The following IQSEC1 variants were observed in gnomAD, a reference collection of about 807,000 sequenced individuals.
The protein encoded by IQSEC1 is IQ motif and Sec7 domain ArfGEF 1, also known as IQ motif and SEC7 domain-containing protein 1.
Under a neutral mutation model 91.0 loss-of-function variants are expected in IQSEC1, and 31 were observed. The observed-to-expected ratio is 0.34, with a 90% CI of 0.26 to 0.46. The LOEUF (loss-of-function observed/expected upper bound fraction) is 0.46, where lower values mean the gene tolerates loss of function less well. Ranked by LOEUF, IQSEC1 falls within the 20% of genes least tolerant of loss-of-function variation. The pLI, the probability that IQSEC1 is intolerant of heterozygous loss-of-function variation, is 1.00. For missense variants in IQSEC1, 1,388 were observed against 1,575.6 expected (o/e 0.88, Z 2.02); for synonymous variants, 699 against 662.6 (o/e 1.05, Z -0.84).
intron 1 of IQSEC1, among the ~76,000 whole-genome samples, chr3:13,001,490 C>T (rs548941620): frequency 1.3e-4 from 20 of 152,266 alleles, no homozygotes; most frequent in South Asian, 4.1e-4. Context: ...CAGTGGTAAA[C>T]GCTGCTACAC....
At chr3:13,148,650 G>C (rs1260962483) in intron 2 of IQSEC1, among the ~76,000 whole-genome samples, 1 of 152,220 alleles carries the variant, frequency 6.6e-6, no homozygotes, top group African/African-American at 2.4e-5. Flanking sequence ...TCCTCTGGTT[G>C]GAGTTCCTGG....
At chr3:12,926,840 T>C (rs569074741) in intron 3 of IQSEC1, among the ~76,000 whole-genome samples, 2 of 152,282 alleles carry the variant, frequency 1.3e-5, no homozygotes, top group African/African-American at 2.4e-5. Context: ...GCTATTTTTA[T>C]CCCAGGATGG....
At chr3:13,208,881 G>C (rs530268344) in intron 1 of IQSEC1, among the ~76,000 whole-genome samples, 1 of 152,196 alleles carries the variant, frequency 6.6e-6, no homozygotes, top group African/African-American at 2.4e-5. Context: ...GGGTTGCCCC[G>C]GGATGGGGAG....
At chr3:13,009,026 C>A (rs1473637843) in intron 1 of IQSEC1, among the ~76,000 whole-genome samples, 3 of 152,212 alleles carry the variant, frequency 2.0e-5, no homozygotes, top group Non-Finnish European at 4.4e-5. Context: ...TTTCTGAGAT[C>A]GACAGCCCTT....
chr3:12,903,358 C>T (rs940882306), intron 12 of IQSEC1, among the ~76,000 whole-genome samples: 6 of 151,854 alleles, frequency 4.0e-5, no homozygotes, highest in Admixed American at 6.5e-5. Context: ...AACAACTTCA[C>T]ATCCCCGCTT....
intron 1 of IQSEC1, among the ~76,000 whole-genome samples, chr3:13,062,466 C>A (rs919324794): frequency 3.9e-5 from 6 of 152,222 alleles, no homozygotes; most frequent in African/African-American, 1.4e-4. Flanking sequence ...CTGGGCAGCA[C>A]ATAAGGAGTT....
chr3:13,182,275 A>G (rs1355729510), intron 1 of IQSEC1, among the ~76,000 whole-genome samples: 2 of 152,176 alleles, frequency 1.3e-5, no homozygotes, highest in African/African-American at 2.4e-5. Context: ...TGATGCTCCC[A>G]TCTGTGAGCA....
intron 1 of IQSEC1, among the ~76,000 whole-genome samples, chr3:13,177,376 A>C (rs1267054861): frequency 4.6e-5 from 7 of 152,214 alleles, no homozygotes; most frequent in Admixed American, 3.9e-4. Flanking sequence ...AGAGAAAAGC[A>C]ATGGCTTCCC....
chr3:13,088,687 C>T (rs1415855796), intron 2 of IQSEC1, among the ~76,000 whole-genome samples: 1 of 152,234 alleles, frequency 6.6e-6, no homozygotes, highest in Non-Finnish European at 1.5e-5. Flanking sequence ...CCATGATCCA[C>T]AGGCCCTGCT....
At chr3:13,274,196 G>T (rs749686755) in intron 1 of IQSEC1, among the ~76,000 whole-genome samples, 1 of 152,146 alleles carries the variant, frequency 6.6e-6, no homozygotes, top group Non-Finnish European at 1.5e-5. Flanking sequence ...AAACATGCCT[G>T]CCCCCGGAAG....
chr3:13,059,450 C>T (rs1240136081), intron 1 of IQSEC1, among the ~76,000 whole-genome samples: 7 of 152,198 alleles, frequency 4.6e-5, no homozygotes, highest in Admixed American at 1.3e-4. Context: ...AGGCCTGGCA[C>T]GGGGTGCCCT....
intron 2 of IQSEC1, among the ~76,000 whole-genome samples, chr3:13,150,637 GT>G (rs1054178488): frequency 2.6e-5 from 4 of 152,186 alleles, no homozygotes; most frequent in African/African-American, 9.6e-5. Flanking sequence ...GGCTCCTGAT[GT>G]TTTTAGTGGG....
At position 12,940,751 on chromosome 3, in the gene IQSEC1, C is replaced by T. The variant is rs1438173954; in HGVS notation, c.318+820G>A. On this transcript the variant is annotated intron_variant, in intron 2 of 13. Transcript: ENST00000613206. The surrounding 1 kb of genome is among the most constrained non-coding windows in gnomAD (Gnocchi z 4.4). ...GCTTGTCCATGCACTGGCCCACTCA[C>T]CCCCTCACTCATCCATCTGTGCAGT... is the stretch of plus-strand genomic sequence containing the variant. Among the ~76,000 whole-genome samples, 4 of 152,212 alleles carry T rather than the reference C, an allele frequency of 2.6e-5. No individual in the cohort carries two copies. The highest frequency in any genetic ancestry group is 9.6e-5 in the African/African-American group (4 of 41,464).
Position 13,113,094 on chromosome 3 carries a change from G to A in IQSEC1, c.302+51010C>T, listed in dbSNP as rs954339447. Among the ~76,000 whole-genome samples the A allele has an allele frequency of 2.0e-5, 3 of 152,242 alleles. No individual in the cohort carries two copies. In the East Asian group the frequency reaches 5.8e-4, roughly 29 times the overall value. ...CTGCTGCATGCCTGGTGTGGCAGGT[G>A]TGGGCTGCCACTAGCTGCCTTACAG... On this transcript the variant is annotated intron_variant, in intron 2 of 15. Coordinates refer to the IQSEC1 transcript ENST00000648114.
intron 1 of IQSEC1, among the ~76,000 whole-genome samples, chr3:13,256,209 C>T (rs1341214313): frequency 6.6e-6 from 1 of 152,166 alleles, no homozygotes; most frequent in Non-Finnish European, 1.5e-5. Flanking sequence ...ATAGTGGTGA[C>T]GGTGACAGCT....
At chr3:13,221,066 A>G (rs774003885) in intron 1 of IQSEC1, among the ~76,000 whole-genome samples, 62 of 152,346 alleles carry the variant, frequency 4.1e-4, no homozygotes, top group Non-Finnish European at 7.1e-4. Flanking sequence ...TGAGCAGGGG[A>G]GGCCAGGGCT....
At chr3:13,133,861 T>C (rs535396078) in intron 2 of IQSEC1, among the ~76,000 whole-genome samples, 7 of 152,196 alleles carry the variant, frequency 4.6e-5, no homozygotes, top group South Asian at 4.2e-4. Context: ...GAGACCTCCA[T>C]AGGACAAGGA....
intron 2 of IQSEC1, among the ~76,000 whole-genome samples, chr3:13,153,563 T>A (rs1472638940): frequency 6.6e-6 from 1 of 152,158 alleles, no homozygotes; most frequent in Non-Finnish European, 1.5e-5. Context: ...TCCTATGTGT[T>A]CCTGCCACTC....
Position 12,936,221 on chromosome 3 carries a change from G to T in IQSEC1, c.795C>A (p.Thr265=). 1 of 1,613,072 alleles carries T rather than the reference G, an allele frequency of 6.2e-7. No homozygotes were observed. ...TGCCGTGCAGGGCTGTCTGGGGTTC[G>T]GTGTCCCGGGCCCGCGCCGCATCCA... ...PALDAARARD[T]EPQTALHGMD... is the part of the protein sequence containing the mutation. The change falls in exon 3 of 14, where the codon ACC becomes ACA. Residue 265 remains threonine, a synonymous_variant. Coordinates refer to ENST00000613206, the MANE Select transcript of IQSEC1 (RefSeq NM_001134382.3).
Sources: allele counts gnomAD v4.1 joint callset (sites outside exome capture counted in the v4.1 genomes callset), GRCh38; gene constraint gnomAD v4.1.1; non-coding constraint Gnocchi (gnomAD v3.1); transcripts MANE v1.5; gene names NCBI Gene and HGNC (gene_info 2026-07-23, HGNC 2026-07-21).